Variants in ELP4 observed in about 807,000 individuals in gnomAD.
ELP4 encodes elongator complex protein 4.
A neutral mutation model predicts 48.9 loss-of-function variants in ELP4; 51 were observed. The ratio of observed to expected loss-of-function variants is 1.04; its 90% CI spans 0.83 to 1.32. ELP4 has a LOEUF of 1.32. Among genes scored for constraint, ELP4 ranks in the 40% most tolerant of loss-of-function variants. The pLI is 0.00. For missense variants in ELP4, 519 were observed against 514.6 expected (o/e 1.01, Z -0.08); for synonymous variants, 210 against 189.2 (o/e 1.11, Z -0.90).
chr11:31,705,716 CTA>C (rs1946616839), intron 9 of ELP4, among the ~76,000 whole-genome samples: 1 of 152,134 alleles, frequency 6.6e-6, no homozygotes, highest in South Asian at 2.1e-4. Flanking sequence ...ATCAATATGT[CTA>C]TTAATTTCTC....
chr11:31,620,041 G>T (rs1445902616), intron 5 of ELP4, among the ~76,000 whole-genome samples: 1 of 152,000 alleles, frequency 6.6e-6, no homozygotes, highest in Non-Finnish European at 1.5e-5. Flanking sequence ...AATGAAGATG[G>T]AGGAAGAGAT....
chr11:31,721,583 G>T (rs1474053401), intron 9 of ELP4, among the ~76,000 whole-genome samples: 1 of 151,856 alleles, frequency 6.6e-6, no homozygotes, highest in Non-Finnish European at 1.5e-5. Flanking sequence ...CTGGAATCTG[G>T]ATTTGCCTTC....
intron 9 of ELP4, among the ~76,000 whole-genome samples, chr11:31,701,202 TC>T (rs1946515939): frequency 6.6e-6 from 1 of 152,174 alleles, no homozygotes; most frequent in Non-Finnish European, 1.5e-5. Flanking sequence ...TCAAGCAGTT[TC>T]TTTTCCTTTT....
intron 9 of ELP4, among the ~76,000 whole-genome samples, chr11:31,774,279 G>A (rs554974667): frequency 6.6e-6 from 1 of 152,334 alleles, no homozygotes; most frequent in South Asian, 2.1e-4. Context: ...ATAGACTTGA[G>A]TGGGAAGGCA....
intron 9 of ELP4, among the ~76,000 whole-genome samples, chr11:31,738,567 C>G (rs1947373427): frequency 6.6e-6 from 1 of 152,098 alleles, no homozygotes; most frequent in Admixed American, 6.6e-5. Flanking sequence ...AAAACCCCAT[C>G]TCTACAAAAA....
At chr11:31,683,631 T>A (rs561179995) in intron 9 of ELP4, among the ~76,000 whole-genome samples, 47 of 152,288 alleles carry the variant, frequency 3.1e-4, no homozygotes, top group Non-Finnish European at 6.2e-4. Flanking sequence ...AATAAAATTA[T>A]TTTATGGTCT....
At chr11:31,745,839 T>G (rs1592275448) in intron 9 of ELP4, among the ~76,000 whole-genome samples, 1 of 152,320 alleles carries the variant, frequency 6.6e-6, no homozygotes, top group East Asian at 1.9e-4. Context: ...GGGCAAGGAC[T>G]TCATGTCTAA....
At chr11:31,745,060 A>G (rs1051707463) in intron 9 of ELP4, among the ~76,000 whole-genome samples, 3 of 152,232 alleles carry the variant, frequency 2.0e-5, no homozygotes, top group Non-Finnish European at 4.4e-5. Flanking sequence ...TACAAAATCA[A>G]TGTGCAAAAC....
At chr11:31,704,977 C>T (rs905981319) in intron 9 of ELP4, among the ~76,000 whole-genome samples, 11 of 149,482 alleles carry the variant, frequency 7.4e-5, no homozygotes, top group East Asian at 3.9e-4. Context: ...CGCCACTGCA[C>T]GCCAACCTGG....
chr11:31,642,853 G>A (rs1370622318), intron 7 of ELP4, among the ~76,000 whole-genome samples: 2 of 151,758 alleles, frequency 1.3e-5, no homozygotes, highest in African/African-American at 4.8e-5. Context: ...TTTGTAAAAA[G>A]TTAAAAATGT....
chr11:31,600,982 A>T (rs2133998666), intron 4 of ELP4, among the ~76,000 whole-genome samples: 1 of 152,238 alleles, frequency 6.6e-6, no homozygotes, highest in Admixed American at 6.5e-5. Flanking sequence ...ACTCACTTCC[A>T]CAGACGACAA....
At chr11:31,530,898 A>G (rs1956386379) in intron 2 of ELP4, among the ~76,000 whole-genome samples, 1 of 152,178 alleles carries the variant, frequency 6.6e-6, no homozygotes, top group Admixed American at 6.5e-5. Context: ...GTGGAATAGA[A>G]CAGGACAAGC....
chr11:31,535,863 T>G (rs1956492422), intron 2 of ELP4, among the ~76,000 whole-genome samples: 1 of 152,206 alleles, frequency 6.6e-6, no homozygotes, highest in African/African-American at 2.4e-5. Flanking sequence ...TTTTTGTATC[T>G]GGCTTTTTTC....
intron 9 of ELP4, chr11:31,651,702 G>C (rs117455717): frequency 6.6e-6 from 1 of 151,752 alleles, no homozygotes; most frequent in African/African-American, 2.4e-5. Context: ...AATGGAAGAC[G>C]TAAGTTTTTT....
chr11:31,716,493 T>G (rs955391779), intron 9 of ELP4, among the ~76,000 whole-genome samples: 1 of 152,234 alleles, frequency 6.6e-6, no homozygotes, highest in African/African-American at 2.4e-5. Flanking sequence ...ATAAGATTAA[T>G]ATGCAAAGTG....
At position 31,789,932 on chromosome 11, in the gene ELP4, T is replaced by TAG; in HGVS notation, c.*6408_*6409insAG. ...CTTTCCTTTTTTTTTTTTTTTTTTT[T>TAG]TTTACTGTAATCTTGGCCAGTATTG... On this transcript the variant is annotated 3_prime_UTR_variant, in exon 10 of 10. Transcript: ENST00000640961. 6.4e-7 allele frequency: 1 copy of TAG among 1,560,404 alleles called. No individual in the cohort carries two copies. Among genetic ancestry groups the TAG allele is most frequent in the Non-Finnish European group, 8.7e-7 (1 of 1,152,258 alleles).
Position 31,578,511 on chromosome 11 carries a change from G to A in ELP4, c.382-16259G>A, listed in dbSNP as rs538977426. Among the ~76,000 whole-genome samples, 872 of 152,148 alleles carry A rather than the reference G, an allele frequency of 5.7e-3. 4 individuals are homozygous for A. Among genetic ancestry groups the A allele is most frequent in the Non-Finnish European group, 8.5e-3 (575 of 67,988 alleles). On this transcript the variant is annotated intron_variant, in intron 3 of 9. Transcript: ENST00000640961. ...ATCCTAAGCCAAAGAACAAAGCTGC[G>A]GGCATCGTGCTACCTGACTTCCAAC...
At position 31,509,789 on chromosome 11, in the gene ELP4, C is replaced by T. The variant is rs1356859105; in HGVS notation, c.5C>T (p.Ala2Val). 41 of 1,613,842 alleles carry T rather than the reference C, an allele frequency of 2.5e-5. No individual in the cohort carries two copies. The highest frequency in any genetic ancestry group is 3.1e-5 in the Non-Finnish European group (36 of 1,179,986). Reference protein sequence around the residue: MAAVATCGSVAA... With the variant: MVAVATCGSVAA... ...GTTAACACTGGAGGCTCTAAGATGG[C>T]GGCAGTGGCAACCTGCGGTAGTGTT... The change falls in exon 1 of 10, where the codon GCG becomes GTG. Residue 2 changes from alanine (A) to valine (V), a missense_variant. Ala to Val is a moderately conservative substitution (Grantham distance 64). Transcript: ENST00000640961.
At position 31,651,647 on chromosome 11, in the gene ELP4, C is replaced by G. The variant is rs569735572; in HGVS notation, c.1143+1426C>G. On this transcript the variant is annotated intron_variant, in intron 9 of 9. Coordinates refer to ENST00000640961, the MANE Select transcript of ELP4 (RefSeq NM_019040.5). ...GAAGGATACAGTTATAGTTTAGTGT[C>G]ACAAGGAAAGCATGATTATCGTTTT... 1.0e-3 allele frequency: 157 copies of G among 151,812 alleles called. 1 individual carries two copies. The highest frequency in any genetic ancestry group is 3.3e-3 in the African/African-American group (135 of 41,452). 9.4% of individuals were successfully genotyped at this position (151,812 alleles called of 1,614,324 possible). A position where few individuals can be genotyped will look rare whatever the true frequency, so the allele number is the denominator to read the frequency against.
Sources: allele counts gnomAD v4.1 joint callset (sites outside exome capture counted in the v4.1 genomes callset), GRCh38; gene constraint gnomAD v4.1.1; transcripts MANE v1.5; gene names NCBI Gene and HGNC (gene_info 2026-07-23, HGNC 2026-07-21).